Variants in CCDC148 observed in about 807,000 individuals in gnomAD.
The protein encoded by CCDC148 is coiled-coil domain-containing protein 148.
In CCDC148, 89 loss-of-function variants were observed where a neutral mutation model predicts 85.7. The ratio of observed to expected loss-of-function variants is 1.04; its 90% CI spans 0.87 to 1.24. The LOEUF (loss-of-function observed/expected upper bound fraction) is 1.24, where lower values mean the gene tolerates loss of function less well. CCDC148 is among the 50% of genes most tolerant of loss of function. The pLI, the probability that CCDC148 is intolerant of heterozygous loss-of-function variation, is 0.00. For synonymous variants in CCDC148, 230 were observed against 213.9 expected (o/e 1.08, Z -0.66); for missense variants, 692 against 671.7 (o/e 1.03, Z -0.33).
chr2:158,194,882 T>C (rs946697302), intron 11 of CCDC148, among the ~76,000 whole-genome samples: 51 of 152,034 alleles, frequency 3.4e-4, no homozygotes, highest in Non-Finnish European at 5.2e-4. Context: ...CAGCATCCCA[T>C]CCCCCATCTG....
At chr2:158,243,059 G>A (rs1030005461) in intron 10 of CCDC148, among the ~76,000 whole-genome samples, 7 of 151,988 alleles carry the variant, frequency 4.6e-5, no homozygotes, top group South Asian at 4.2e-4. Context: ...TTAAAATGCC[G>A]TCTGTCTTCA....
At chr2:158,209,154 G>C (rs955526087) in intron 11 of CCDC148, among the ~76,000 whole-genome samples, 1 of 150,686 alleles carries the variant, frequency 6.6e-6, no homozygotes, top group Admixed American at 6.6e-5. Flanking sequence ...TTTTTTTCAG[G>C]GGTAGTCCCC....
intron 2 of CCDC148, among the ~76,000 whole-genome samples, chr2:158,352,042 A>C (rs1242394232): frequency 3.5e-5 from 5 of 141,276 alleles, no homozygotes; most frequent in African/African-American, 8.2e-5. Context: ...AAACTAACAA[A>C]CAGAAAGGAC....
Position 158,388,434 on chromosome 2 carries a change from C to T in CCDC148, c.26-29864G>A, listed in dbSNP as rs138117320. Among the ~76,000 whole-genome samples, 119 of 152,232 alleles carry T rather than the reference C, an allele frequency of 7.8e-4. 1 individual carries two copies. Among genetic ancestry groups the T allele is most frequent in the African/African-American group, 2.6e-3 (110 of 41,560 alleles). Reference sequence around the variant, plus strand: ...TGTGGGATTCCAAACCCAGCTCTAACACCCTTGGCAAGTTCCTTAGCTTCT... The same window carrying T: ...TGTGGGATTCCAAACCCAGCTCTAATACCCTTGGCAAGTTCCTTAGCTTCT... On this transcript the variant is annotated intron_variant, in intron 1 of 13. Coordinates refer to ENST00000283233, the MANE Select transcript of CCDC148 (RefSeq NM_138803.4).
chr2:158,260,159 G>T (rs1274970567), intron 9 of CCDC148, among the ~76,000 whole-genome samples: 2 of 151,686 alleles, frequency 1.3e-5, no homozygotes, highest in Admixed American at 1.3e-4. Flanking sequence ...TCCTACTCCT[G>T]GAATAATGCC....
intron 2 of CCDC148, among the ~76,000 whole-genome samples, chr2:158,350,550 C>A (rs371216998): frequency 3.3e-5 from 5 of 152,212 alleles, no homozygotes; most frequent in East Asian, 1.9e-4. Context: ...CCAGATGTCC[C>A]AATCATGGGA....
chr2:158,285,386 G>T (rs548095877), intron 9 of CCDC148, among the ~76,000 whole-genome samples: 1 of 151,144 alleles, frequency 6.6e-6, no homozygotes, highest in South Asian at 2.1e-4. Context: ...AAACTCTCCA[G>T]AATAAAGCAT....
intron 9 of CCDC148, among the ~76,000 whole-genome samples, chr2:158,280,567 G>C (rs1006021115): frequency 3.9e-5 from 6 of 152,280 alleles, no homozygotes; most frequent in Admixed American, 3.3e-4. Context: ...AATTCAACAA[G>C]AAGAGCTAAC....
chr2:158,424,074 T>C (rs374260379), intron 1 of CCDC148, among the ~76,000 whole-genome samples: 2 of 151,950 alleles, frequency 1.3e-5, no homozygotes, highest in Admixed American at 6.6e-5. Flanking sequence ...ACAACAGGTG[T>C]TGGAGAGGAT....
rs890676828 is a variant in CCDC148 at position 158,272,348 on chromosome 2, T to C, written c.1111-21436A>G. ...TGGTCTCATTGATGGAGAAGAAGGGTACAGTAATATTTCTCTATACCTCTG... is the reference window on the plus strand; with the variant it reads ...TGGTCTCATTGATGGAGAAGAAGGGCACAGTAATATTTCTCTATACCTCTG... On this transcript the variant is annotated intron_variant, in intron 9 of 13. Coordinates refer to ENST00000283233, the MANE Select transcript of CCDC148 (RefSeq NM_138803.4). Among the ~76,000 whole-genome samples the C allele has an allele frequency of 3.4e-4, 51 of 152,092 alleles. 1 individual carries two copies. Among genetic ancestry groups the C allele is most frequent in the South Asian group, 2.1e-4 (1 of 4,822 alleles).
chr2:158,440,987 T>C (rs1197400209), intron 1 of CCDC148, among the ~76,000 whole-genome samples: 2 of 152,166 alleles, frequency 1.3e-5, no homozygotes, highest in East Asian at 3.9e-4. Flanking sequence ...AAGGCTGTAG[T>C]ATACACTGAT....
At chr2:158,449,990 A>ATTTTT (rs5835706) in intron 1 of CCDC148, among the ~76,000 whole-genome samples, 2 of 144,158 alleles carry the variant, frequency 1.4e-5, no homozygotes, top group Non-Finnish European at 3.1e-5. Flanking sequence ...TGTCATCTTC[A>ATTTTT]TTTTTTTTTT....
At chr2:158,407,965 A>T (rs1350441357) in intron 1 of CCDC148, among the ~76,000 whole-genome samples, 1 of 152,206 alleles carries the variant, frequency 6.6e-6, no homozygotes, top group East Asian at 1.9e-4. Context: ...TACAAATTCT[A>T]AATTCTTTGA....
chr2:158,257,301 A>T (rs1261960164), intron 9 of CCDC148, among the ~76,000 whole-genome samples: 2 of 151,780 alleles, frequency 1.3e-5, no homozygotes, highest in African/African-American at 4.8e-5. Flanking sequence ...TAGCAATCAA[A>T]TCCCTTTCTC....
intron 12 of CCDC148, among the ~76,000 whole-genome samples, chr2:158,177,611 G>C (rs1684655740): frequency 6.6e-6 from 1 of 152,144 alleles, no homozygotes; most frequent in South Asian, 2.1e-4. Flanking sequence ...AATGTGTTCA[G>C]TAATAGTGAC....
At chr2:158,232,874 C>G (rs1441374238) in intron 10 of CCDC148, among the ~76,000 whole-genome samples, 1 of 151,952 alleles carries the variant, frequency 6.6e-6, no homozygotes, top group Non-Finnish European at 1.5e-5. Flanking sequence ...GGGTAAGGGG[C>G]AGGGGATGAA....
intron 1 of CCDC148, among the ~76,000 whole-genome samples, chr2:158,437,254 C>A (rs891055842): frequency 2.6e-5 from 4 of 152,164 alleles, no homozygotes; most frequent in Non-Finnish European, 1.5e-5. Context: ...CCGAATCCAG[C>A]AGCACATCAA....
At chr2:158,325,205 C>T (rs904108934) in intron 7 of CCDC148, among the ~76,000 whole-genome samples, 19 of 152,098 alleles carry the variant, frequency 1.2e-4, no homozygotes, top group African/African-American at 1.9e-4. Context: ...TCCTTTCCTA[C>T]GCATTCCAAT....
intron 10 of CCDC148, among the ~76,000 whole-genome samples, chr2:158,238,863 T>A (rs1030274508): frequency 2.6e-5 from 4 of 152,122 alleles, no homozygotes; most frequent in African/African-American, 9.7e-5. Flanking sequence ...AATTAATTAA[T>A]CACAAAATTA....
Sources: allele counts gnomAD v4.1 joint callset (sites outside exome capture counted in the v4.1 genomes callset), GRCh38; gene constraint gnomAD v4.1.1; transcripts MANE v1.5; gene names NCBI Gene and HGNC (gene_info 2026-07-23, HGNC 2026-07-21).